The following ULK4 variants were observed in gnomAD, a reference collection of about 807,000 sequenced individuals.
ULK4 encodes inactive serine/threonine-protein kinase ULK4.
A neutral mutation model predicts 160.6 loss-of-function variants in ULK4; 133 were observed. The observed-to-expected ratio is 0.83, with a 90% CI of 0.72 to 0.96. The LOEUF (loss-of-function observed/expected upper bound fraction) is 0.96, where lower values mean the gene tolerates loss of function less well. Ranked by LOEUF, ULK4 falls within the 40% of genes least tolerant of loss-of-function variation. The probability of loss-of-function intolerance (pLI) is 0.00; values close to 1 mark genes in which losing one functional copy is unlikely to be tolerated. For synonymous variants in ULK4, 534 were observed against 539.8 expected, an observed-to-expected ratio of 0.99 and a Z score of 0.15; for missense variants, 1,580 against 1,499.5, an observed-to-expected ratio of 1.05 and a Z score of -0.89.
At chr3:41,407,027 A>G (rs9990313) in intron 34 of ULK4, among the ~76,000 whole-genome samples, 32,803 of 152,134 alleles carry the variant, frequency 0.22, 3,957 homozygotes, top group African/African-American at 0.32. Flanking sequence ...AGACAGAGCA[A>G]AAAGTCCTGA....
chr3:41,650,212 A>G (rs879600645), intron 30 of ULK4, among the ~76,000 whole-genome samples: 2 of 152,192 alleles, frequency 1.3e-5, no homozygotes, highest in Admixed American at 6.5e-5. Flanking sequence ...AGTTGTCCAC[A>G]TTCCTCATTC....
At chr3:41,849,999 C>A (rs532501958) in intron 17 of ULK4, among the ~76,000 whole-genome samples, 1 of 152,038 alleles carries the variant, frequency 6.6e-6, no homozygotes, top group Non-Finnish European at 1.5e-5. Context: ...GTGTGATGTT[C>A]CCCTTCCTGT....
chr3:41,420,315 G>A (rs995852895), intron 34 of ULK4, among the ~76,000 whole-genome samples: 1 of 151,646 alleles, frequency 6.6e-6, no homozygotes, highest in African/African-American at 2.4e-5. Context: ...TGGCACATCT[G>A]TGATTTCATT....
intron 21 of ULK4, among the ~76,000 whole-genome samples, chr3:41,778,090 T>C (rs2039701026): frequency 7.9e-6 from 1 of 125,892 alleles, no homozygotes; most frequent in Admixed American, 7.6e-5. Context: ...AACCCCACTG[T>C]CTCAGCCCAA....
At chr3:41,614,061 T>C (rs1270402612) in intron 31 of ULK4, among the ~76,000 whole-genome samples, 2 of 152,220 alleles carry the variant, frequency 1.3e-5, no homozygotes, top group African/African-American at 2.4e-5. Context: ...TATACAGAGA[T>C]TAATCAAGTA....
At chr3:41,882,295 G>A (rs1697551191) in intron 17 of ULK4, 1 of 702,808 alleles carries the variant, frequency 1.4e-6, no homozygotes, top group Non-Finnish European at 2.6e-6. Flanking sequence ...TGTGGAAAGA[G>A]AAATAAATAC....
intron 32 of ULK4, among the ~76,000 whole-genome samples, chr3:41,544,271 G>A (rs746109541): frequency 2.6e-5 from 4 of 152,316 alleles, no homozygotes; most frequent in Non-Finnish European, 4.4e-5. Flanking sequence ...TCTGGCCACA[G>A]AATGGTCCAT....
chr3:41,679,322 T>C (rs1375873017), intron 29 of ULK4, among the ~76,000 whole-genome samples: 1 of 152,200 alleles, frequency 6.6e-6, no homozygotes, highest in East Asian at 1.9e-4. Flanking sequence ...AGGATTATCT[T>C]CTAAGGTAGG....
chr3:41,623,555 C>T (rs926533510), intron 30 of ULK4, among the ~76,000 whole-genome samples: 2 of 152,172 alleles, frequency 1.3e-5, no homozygotes, highest in African/African-American at 2.4e-5. Flanking sequence ...AAGAAACTCT[C>T]ATTTGTGACG....
rs181649536 is a variant in ULK4 at position 41,797,444 on chromosome 3, A to G, written c.2010+2688T>C. On this transcript the variant is annotated intron_variant, in intron 20 of 36. Transcript: ENST00000301831. The stretch of plus-strand genomic sequence containing the variant: ...ATGGAGGTTTAATGAGGAAACACAG[A>G]CAGACCCAGGTTAAGCTTCACCCCA... Among the ~76,000 whole-genome samples, 932 of 152,334 alleles carry G rather than the reference A, an allele frequency of 6.1e-3. 12 individuals are homozygous for G. The highest frequency in any genetic ancestry group is 0.021 in the African/African-American group (870 of 41,580).
rs1044653052 is a variant in ULK4 at position 41,499,355 on chromosome 3, G to A, written c.3227-36102C>T. Among the ~76,000 whole-genome samples the A allele has an allele frequency of 2.0e-5, 3 of 152,302 alleles. No individual in the cohort carries two copies. The East Asian group carries it at 5.8e-4, about 29-fold the overall frequency. ...CTTTTGAACTCCCCTGGGCAATCAA[G>A]AGTTGACTATATTGAACAGAAAAGT... On this transcript the variant is annotated intron_variant, in intron 32 of 36. Transcript: ENST00000301831.
intron 21 of ULK4, among the ~76,000 whole-genome samples, chr3:41,788,900 A>G (rs747674763): frequency 1.8e-4 from 27 of 152,170 alleles, no homozygotes; most frequent in Non-Finnish European, 3.1e-4. Context: ...TTAACACATC[A>G]TCAAACACTA....
intron 9 of ULK4, 34 bp downstream of exon 9, chr3:41,912,773 C>T (rs557654375): frequency 5.7e-6 from 9 of 1,576,146 alleles, no homozygotes; most frequent in African/African-American, 5.4e-5. Flanking sequence ...TGTCCAGTAA[C>T]TATGTCCCAT....
rs1553637318 is a variant in ULK4 at position 41,706,375 on chromosome 3, A to AAT, written c.2635-1072_2635-1071dup. Reference sequence around the variant, plus strand: ...TATATATATATTTATATATATATTTAATATATATATTTATATATATTAAAT... The same window carrying AAT: ...TATATATATATTTATATATATATTTAATATATATATATTTATATATATTAAAT... On this transcript the variant is annotated intron_variant, in intron 25 of 36. Transcript: ENST00000301831. 7.2e-4 allele frequency among the ~76,000 whole-genome samples: 103 copies of AAT among 143,190 alleles called. 1 individual carries two copies. Among genetic ancestry groups the AAT allele is most frequent in the African/African-American group, 2.5e-3 (93 of 37,808 alleles). The allele number at this position is 143,190 out of a possible 152,430, so 93.9% of individuals were successfully genotyped here.
chr3:41,574,729 G>A (rs1400293929), intron 31 of ULK4, among the ~76,000 whole-genome samples: 1 of 151,900 alleles, frequency 6.6e-6, no homozygotes, highest in Admixed American at 6.6e-5. Context: ...TTATTTTCTA[G>A]TAGAGATGGG....
rs952672714 is a variant in ULK4 at position 41,745,020 on chromosome 3, GT to G, written c.2321+9340del. On this transcript the variant is annotated intron_variant, in intron 22 of 36. Coordinates refer to ENST00000301831, the MANE Select transcript of ULK4 (RefSeq NM_017886.4). The stretch of plus-strand genomic sequence containing the variant: ...AAAAAGATACATTAAACTACATAAT[GT>G]TTTTTTAAAAAATCCAAATCTATGC... Among the ~76,000 whole-genome samples, 167 of 151,500 alleles carry G rather than the reference GT, an allele frequency of 1.1e-3. 3 individuals are homozygous for G. Among genetic ancestry groups the G allele is most frequent in the African/African-American group, 3.9e-3 (162 of 41,136 alleles).
chr3:41,719,987 G>A (rs996818035), intron 22 of ULK4, among the ~76,000 whole-genome samples: 1 of 151,974 alleles, frequency 6.6e-6, no homozygotes, highest in Non-Finnish European at 1.5e-5. Flanking sequence ...TGCCTAGATG[G>A]CCCTTCTCTT....
At chr3:41,723,840 C>T (rs1239307813) in intron 22 of ULK4, among the ~76,000 whole-genome samples, 2 of 152,234 alleles carry the variant, frequency 1.3e-5, no homozygotes, top group Non-Finnish European at 2.9e-5. Context: ...CCAGTGGGCG[C>T]CTGGGACTCT....
At chr3:41,279,255 T>TAA (rs771175184) in intron 35 of ULK4, among the ~76,000 whole-genome samples, 33 of 43,060 alleles carry the variant, frequency 7.7e-4, no homozygotes, top group Admixed American at 2.6e-3. Context: ...AAAAAAAGAG[T>TAA]AAAAAAAAAA....
Sources: allele counts gnomAD v4.1 joint callset (sites outside exome capture counted in the v4.1 genomes callset), GRCh38; gene constraint gnomAD v4.1.1; transcripts MANE v1.5; gene names NCBI Gene and HGNC (gene_info 2026-07-23, HGNC 2026-07-21).